The following CSN2 variants were observed in gnomAD, a reference collection of about 807,000 sequenced individuals.
CSN2 encodes the protein casein beta.
A neutral mutation model predicts 27.3 loss-of-function variants in CSN2; 27 were observed. The observed-to-expected ratio is 0.99, with a 90% CI of 0.73 to 1.36. CSN2 has a LOEUF of 1.36. CSN2 is among the 40% of genes most tolerant of loss of function. CSN2 has a pLI of 0.00. For missense variants in CSN2, 333 were observed against 264.5 expected (o/e 1.26, Z -1.80); for synonymous variants, 131 against 94.8 (o/e 1.38, Z -2.22).
At chr4:69,964,137 T>C (rs904662710) in intron 1 of CSN2, among the ~76,000 whole-genome samples, 6 of 152,134 alleles carry the variant, frequency 3.9e-5, no homozygotes, top group Non-Finnish European at 5.9e-5. Flanking sequence ...TAGCTAATAA[T>C]GTCTGTTCTC....
chr4:69,962,817 A>C (rs1055085605), intron 1 of CSN2, among the ~76,000 whole-genome samples: 2 of 152,240 alleles, frequency 1.3e-5, no homozygotes, highest in Non-Finnish European at 2.9e-5. Flanking sequence ...AATGAGAGAA[A>C]ATTTTTGCAA....
At chr4:69,961,631 G>C (rs939052658) in intron 1 of CSN2, among the ~76,000 whole-genome samples, 39 of 152,104 alleles carry the variant, frequency 2.6e-4, no homozygotes, top group Admixed American at 2.0e-3. Context: ...ATATCATACT[G>C]AATGGACAAA....
intron 6 of CSN2, among the ~76,000 whole-genome samples, chr4:69,957,001 C>G (rs879802938): frequency 1.3e-5 from 2 of 151,746 alleles, no homozygotes; most frequent in African/African-American, 4.8e-5. Context: ...CTGGACCTGT[C>G]GTGGGGTGGG....
rs777791012 is a variant in CSN2 at position 69,957,648 on chromosome 4, C to A, written c.301G>T (p.Val101Phe). The A allele has an allele frequency of 3.7e-6, 6 of 1,613,828 alleles. No homozygotes were observed. Among genetic ancestry groups the A allele is most frequent in the Non-Finnish European group, 5.1e-6 (6 of 1,179,984 alleles). The change falls in exon 6 of 8, where the codon GTC (valine) becomes TTC (phenylalanine). Residue 101 changes from valine to phenylalanine, a missense_variant. Physicochemically the swap from Val to Phe is conservative, Grantham distance 50. Transcript: ENST00000353151. ...TAGACAGTGTCTTTAGCTTTAGGGA[C>A]TTCCATTATTTCAGGCTGAGGGACA... is the stretch of plus-strand genomic sequence containing the variant. ...LPVPQPEIME[V>F]PKAKDTVYTK...
intron 1 of CSN2, among the ~76,000 whole-genome samples, chr4:69,962,032 A>T (rs928386485): frequency 1.1e-4 from 17 of 152,114 alleles, no homozygotes; most frequent in Non-Finnish European, 2.1e-4. Flanking sequence ...ACAAGGGATG[A>T]GAAGGACCTC....
At chr4:69,958,236 T>A (rs1020077953) in intron 5 of CSN2, among the ~76,000 whole-genome samples, 17 of 152,126 alleles carry the variant, frequency 1.1e-4, no homozygotes, top group Non-Finnish European at 1.0e-4. Flanking sequence ...TTTATTTTTG[T>A]TTTGTTTTGG....
In CSN2 at chr4:69,957,383, C is replaced by T. The variant is rs773179815; in HGVS notation, c.566G>A (p.Arg189Lys). 4.8e-5 allele frequency: 78 copies of T among 1,613,450 alleles called. No individual in the cohort carries two copies. The South Asian group carries it at 8.2e-4, about 17-fold the overall frequency. Reference sequence around the variant, plus strand: ...CAGAAGGGCTTGAACAGGCACAGCTCTCTGAGGGTAGGGCACCACTTGCTG... The same window carrying T: ...CAGAAGGGCTTGAACAGGCACAGCTTTCTGAGGGTAGGGCACCACTTGCTG... ...IPQQVVPYPQ[R>K]AVPVQALLLN... is the part of the protein sequence containing the mutation. Residue 189 changes from arginine (R) to lysine (K), a missense_variant, in exon 6 of 8, where the codon AGA becomes AAA. Transcript: ENST00000353151.
chr4:69,955,770 T>A (rs1723375724), intron 7 of CSN2, among the ~76,000 whole-genome samples, 178 bp from the exon 8 acceptor site: 1 of 152,070 alleles, frequency 6.6e-6, no homozygotes, highest in South Asian at 2.1e-4. Context: ...GTTCATCAAA[T>A]ATTAGTGAAC....
intron 6 of CSN2, 89 bp downstream of exon 6, chr4:69,957,185 T>A (rs1723424073): frequency 7.6e-7 from 1 of 1,314,706 alleles, no homozygotes; most frequent in South Asian, 1.7e-5. Flanking sequence ...AACTGTTTTT[T>A]TAATTCATTT....
At position 69,960,057 on chromosome 4, in the gene CSN2, C is replaced by T. The variant is rs780640530; in HGVS notation, c.74G>A (p.Ser25Asn). Residue 25 changes from serine (S) to asparagine (N), a missense_variant, in exon 3 of 8, where the codon AGT (serine) becomes AAT (asparagine). Ser to Asn is a conservative substitution (Grantham distance 46). Transcript: ENST00000353151. ...ARETIESLSSSEESITEYKQK... is the reference protein window; with the variant it reads ...ARETIESLSSNEESITEYKQK... ...TTGGGTAGAATGTTAACTTACCTCACTGCTTGAAAGGCTTTCTATGGTCTG... is the reference window on the plus strand; with the variant it reads ...TTGGGTAGAATGTTAACTTACCTCATTGCTTGAAAGGCTTTCTATGGTCTG... The T allele has an allele frequency of 6.2e-7, 1 of 1,611,724 alleles. No homozygotes were observed. The highest frequency in any genetic ancestry group is 8.5e-7 in the Non-Finnish European group (1 of 1,178,598).
At chr4:69,958,638 C>T (rs557026576) in intron 5 of CSN2, among the ~76,000 whole-genome samples, 116 of 152,094 alleles carry the variant, frequency 7.6e-4, no homozygotes, top group Non-Finnish European at 1.4e-3. Flanking sequence ...GAAATGTTCC[C>T]ACCAATGTGT....
intron 1 of CSN2, among the ~76,000 whole-genome samples, chr4:69,963,284 C>T (rs1560400614): frequency 6.6e-6 from 1 of 152,076 alleles, no homozygotes; most frequent in Non-Finnish European, 1.5e-5. Flanking sequence ...GACACATACA[C>T]ATGTATGTTT....
At chr4:69,961,432 G>A (rs1370693623) in intron 1 of CSN2, among the ~76,000 whole-genome samples, 15 of 152,066 alleles carry the variant, frequency 9.9e-5, no homozygotes, top group East Asian at 1.9e-4. Context: ...TTCAACATAC[G>A]AAAATCAATA....
rs368977729 is a variant in CSN2 at position 69,957,503 on chromosome 4, A to G, written c.446T>C (p.Leu149Ser). ...AATAGGCTGAGGGACCTGCTGCATC[A>G]AGGGCTGGAGCAGAGGCAGAGGAAG... ...LHLPLPLLQP[L>S]MQQVPQPIPQ... is the part of the protein sequence containing the mutation. Residue 149 changes from leucine (L) to serine (S), a missense_variant, in exon 6 of 8, where the codon TTG becomes TCG. Physicochemically the swap from Leu to Ser is moderately radical, Grantham distance 145. Coordinates refer to ENST00000353151, the MANE Select transcript of CSN2 (RefSeq NM_001891.4). 7 of 1,613,818 alleles carry G rather than the reference A, an allele frequency of 4.3e-6. No individual in the cohort carries two copies. In the African/African-American group the frequency reaches 9.3e-5, roughly 22 times the overall value.
At chr4:69,962,315 G>T (rs963136400) in intron 1 of CSN2, among the ~76,000 whole-genome samples, 1 of 152,064 alleles carries the variant, frequency 6.6e-6, no homozygotes. Flanking sequence ...GAGGCATCAT[G>T]CTACCTGACT....
At chr4:69,961,174 C>T (rs1459327898) in intron 1 of CSN2, among the ~76,000 whole-genome samples, 167 bp from the exon 2 acceptor site, 1 of 151,828 alleles carries the variant, frequency 6.6e-6, no homozygotes, top group Admixed American at 6.6e-5. Flanking sequence ...GAAGTTATAT[C>T]ACATGAAGGA....
intron 3 of CSN2, 53 bp downstream of exon 3, chr4:69,960,000 G>GA: frequency 6.5e-7 from 1 of 1,547,984 alleles, no homozygotes; most frequent in Non-Finnish European, 8.9e-7. Flanking sequence ...TAACACCATA[G>GA]AAAAATAGCA....
At chr4:69,955,637 G>A (rs1215556942) in intron 7 of CSN2, 45 bp from the exon 8 acceptor site, 7 of 152,432 alleles carry the variant, frequency 4.6e-5, no homozygotes, top group African/African-American at 1.2e-4. Context: ...GTTATAACAC[G>A]TAACTATTCA....
intron 1 of CSN2, among the ~76,000 whole-genome samples, chr4:69,962,522 G>A (rs551511169): frequency 7.2e-5 from 11 of 152,282 alleles, no homozygotes; most frequent in African/African-American, 1.9e-4. Context: ...TGGGAAAACT[G>A]GCTAGCCATA....
Sources: gnomAD v4.1 joint callset for allele counts (sites outside exome capture counted in the v4.1 genomes callset) on GRCh38, gnomAD v4.1.1 for gene constraint, MANE v1.5 for transcripts, NCBI Gene and HGNC (gene_info 2026-07-23, HGNC 2026-07-21) for gene names.